KLF8: variants seen among roughly 807,000 people sequenced by gnomAD.
The protein encoded by KLF8 is KLF transcription factor 8, also known as Krueppel-like factor 8.
A neutral mutation model predicts 18.2 loss-of-function variants in KLF8; 10 were observed. The ratio of observed to expected loss-of-function variants is 0.55; its 90% CI spans 0.34 to 0.93. The LOEUF (loss-of-function observed/expected upper bound fraction) is 0.93. KLF8 is among the 40% of genes least tolerant of loss of function. The pLI, the probability that KLF8 is intolerant of heterozygous loss-of-function variation, is 0.02. For synonymous variants in KLF8, 109 were observed against 97.3 expected (o/e 1.12, Z -0.71); for missense variants, 264 against 277.9 (o/e 0.95, Z 0.36).
chrX:56,038,975 T>A, the KLF8 span, among the ~76,000 whole-genome samples: 1 of 112,395 alleles, frequency 8.9e-6, no homozygotes, highest in Non-Finnish European at 1.9e-5. Flanking sequence ...CGGTGAGCTT[T>A]TTTTCCCTAT....
chrX:55,964,324 C>A, the KLF8 span, among the ~76,000 whole-genome samples: 2 of 112,076 alleles, frequency 1.8e-5, no homozygotes, highest in African/African-American at 6.5e-5. Context: ...ACCTGTATTC[C>A]CAGCACTTTG....
the KLF8 span, among the ~76,000 whole-genome samples, chrX:56,010,881 A>T: frequency 8.9e-6 from 1 of 112,502 alleles, no homozygotes; most frequent in South Asian, 3.7e-4. Flanking sequence ...AAAGAAGGGC[A>T]TTACATAATG....
chrX:56,044,396 G>C, the KLF8 span, among the ~76,000 whole-genome samples: 1 of 112,277 alleles, frequency 8.9e-6, no homozygotes, highest in South Asian at 3.7e-4. Context: ...AAAGCCAGCA[G>C]GCTGGAGTTG....
At chrX:56,062,372 A>T in the KLF8 span, among the ~76,000 whole-genome samples, 1 of 111,409 alleles carries the variant, frequency 9.0e-6, no homozygotes, top group African/African-American at 3.3e-5. Context: ...CTTGTAAGGT[A>T]GGCCTGGTGG....
the KLF8 span, among the ~76,000 whole-genome samples, chrX:56,090,988 T>G: frequency 8.9e-6 from 1 of 112,280 alleles, no homozygotes; most frequent in Non-Finnish European, 1.9e-5. Flanking sequence ...TTCCGTGGTT[T>G]ACACATACCA....
the KLF8 span, among the ~76,000 whole-genome samples, chrX:55,947,731 C>T: frequency 9.0e-6 from 1 of 111,665 alleles, no homozygotes; most frequent in Admixed American, 9.5e-5. Flanking sequence ...AGTCTAACCC[C>T]TCATGACTTT....
At chrX:55,970,357 A>T in the KLF8 span, among the ~76,000 whole-genome samples, 3 of 111,565 alleles carry the variant, frequency 2.7e-5, no homozygotes, top group Non-Finnish European at 3.8e-5. Context: ...TGAAAAAAAA[A>T]TTTGATAAAA....
chrX:56,100,143 C>A, the KLF8 span, among the ~76,000 whole-genome samples: 4 of 111,189 alleles, frequency 3.6e-5, 1 homozygote, highest in Admixed American at 3.8e-4. Context: ...TGCTCATTCA[C>A]CATTCCGAGA....
the KLF8 span, among the ~76,000 whole-genome samples, chrX:56,176,904 A>G: frequency 1.8e-5 from 2 of 111,886 alleles, no homozygotes; most frequent in African/African-American, 6.5e-5. Context: ...TCAGCTACCG[A>G]GGCTTGTGCA....
chrX:56,146,563 G>T, the KLF8 span, among the ~76,000 whole-genome samples: 3 of 110,607 alleles, frequency 2.7e-5, no homozygotes, highest in Non-Finnish European at 5.7e-5. Flanking sequence ...GGCCTGTCTG[G>T]ATGTGGGGGG....
At chrX:56,119,406 C>T in the KLF8 span, among the ~76,000 whole-genome samples, 3 of 110,485 alleles carry the variant, frequency 2.7e-5, no homozygotes, top group Non-Finnish European at 5.7e-5. Context: ...CCAGGTTCCG[C>T]TTATTATTAT....
chrX:56,140,049 C>T, the KLF8 span, among the ~76,000 whole-genome samples: 1 of 111,922 alleles, frequency 8.9e-6, no homozygotes, highest in Admixed American at 9.5e-5. Context: ...ATCAAAACCA[C>T]GAATAGATGC....
chrX:55,959,588 C>G, the KLF8 span, among the ~76,000 whole-genome samples: 4 of 112,027 alleles, frequency 3.6e-5, no homozygotes, highest in African/African-American at 9.7e-5. Flanking sequence ...GAACTCACTA[C>G]AGAAATTTTA....
the KLF8 span, among the ~76,000 whole-genome samples, chrX:55,971,335 G>C: frequency 9.0e-6 from 1 of 111,340 alleles, no homozygotes; most frequent in Non-Finnish European, 1.9e-5. Context: ...TCAATAAATT[G>C]TGCTGGCAAA....
the KLF8 span, among the ~76,000 whole-genome samples, chrX:56,108,754 T>C: frequency 8.9e-6 from 1 of 112,080 alleles, no homozygotes; most frequent in African/African-American, 3.2e-5. Context: ...GTTTGCTCTT[T>C]TGTAGTTCCT....
the KLF8 span, among the ~76,000 whole-genome samples, chrX:56,051,218 A>T: frequency 9.0e-6 from 1 of 111,273 alleles, no homozygotes; most frequent in Non-Finnish European, 1.9e-5. Flanking sequence ...TTGACTCTTT[A>T]TCCAATTTGC....
the KLF8 span, among the ~76,000 whole-genome samples, chrX:56,049,734 T>G: frequency 2.7e-5 from 3 of 109,771 alleles, no homozygotes; most frequent in Non-Finnish European, 5.7e-5. Context: ...TTCTCTTTTT[T>G]TGTTGTGTTT....
At chrX:56,157,186 G>A in the KLF8 span, among the ~76,000 whole-genome samples, 3 of 99,508 alleles carry the variant, frequency 3.0e-5, no homozygotes, top group African/African-American at 1.1e-4. Flanking sequence ...ATTCAACAAT[G>A]AGAACATATG....
chrX:56,016,901 A>G, the KLF8 span, among the ~76,000 whole-genome samples: 1 of 112,096 alleles, frequency 8.9e-6, no homozygotes, highest in Non-Finnish European at 1.9e-5. Context: ...ATACAAATAT[A>G]TTTTAAGTGA....
Sources: gnomAD v4.1 joint callset for allele counts (sites outside exome capture counted in the v4.1 genomes callset) on GRCh38, gnomAD v4.1.1 for gene constraint, MANE v1.5 for transcripts, NCBI Gene and HGNC (gene_info 2026-07-23, HGNC 2026-07-21) for gene names.